IL17REL: variants seen among roughly 807,000 people sequenced by gnomAD.
IL17REL encodes the protein interleukin-17 receptor E-like protein.
A neutral mutation model predicts 49.0 loss-of-function variants in IL17REL; 36 were observed. That is an observed-to-expected ratio of 0.73 (90% CI 0.56 to 0.97). The LOEUF is 0.97. Among genes scored for constraint, IL17REL ranks in the 50% least tolerant of loss-of-function variants. The pLI, the probability that IL17REL is intolerant of heterozygous loss-of-function variation, is 0.00. For synonymous variants in IL17REL, 206 were observed against 192.4 expected, an observed-to-expected ratio of 1.07 and a Z score of -0.58; for missense variants, 470 against 453.9, an observed-to-expected ratio of 1.04 and a Z score of -0.32.
intron 1 of IL17REL, among the ~76,000 whole-genome samples, chr22:50,003,812 C>A (rs973369710): frequency 6.6e-6 from 1 of 152,004 alleles, no homozygotes; most frequent in African/African-American, 2.4e-5. Context: ...AGATAAAAAA[C>A]AAGACAAGGA....
In IL17REL at chr22:49,998,414, G is replaced by A. The variant is rs573227679; in HGVS notation, c.602-105C>T. 7.2e-5 allele frequency: 71 copies of A among 990,438 alleles called. No homozygotes were observed. In the African/African-American group the frequency reaches 1.5e-3, roughly 21 times the overall value. The allele number at this position is 990,438 out of a possible 1,614,324, so 61.4% of individuals were successfully genotyped here. A position where few individuals can be genotyped will look rare whatever the true frequency, so the allele number is the denominator to read the frequency against. On this transcript the variant is annotated intron_variant, in intron 7 of 12. Coordinates refer to ENST00000341280, the Ensembl canonical transcript of IL17REL. ...AGTGACCACTGGGCCAGGGTCCAGCGCAGTCCTATGGGTCTCTGAGCCCTG... is the reference window on the plus strand; with the variant it reads ...AGTGACCACTGGGCCAGGGTCCAGCACAGTCCTATGGGTCTCTGAGCCCTG...
intron 1 of IL17REL, among the ~76,000 whole-genome samples, chr22:50,005,559 C>T (rs540433464): frequency 2.0e-5 from 3 of 152,060 alleles, no homozygotes; most frequent in African/African-American, 7.2e-5. Context: ...CCCAGCACTT[C>T]GGGAGGTCGA....
At chr22:49,998,819 G>T (rs2061054841) in intron 7 of IL17REL, among the ~76,000 whole-genome samples, 1 of 152,026 alleles carries the variant, frequency 6.6e-6, no homozygotes, top group Admixed American at 6.6e-5. Flanking sequence ...GCCTGCGCGT[G>T]GGTGTGCGTG....
In IL17REL at chr22:50,000,091, C is replaced by A; in HGVS notation, c.335-124G>T. On this transcript the variant is annotated intron_variant, in intron 4 of 12. Coordinates refer to ENST00000341280, the Ensembl canonical transcript of IL17REL. ...TTCAGACGTTTGGGAGTCGCCCGCC[C>A]GAGGGCCCCTCAGGATTTCCCAAAT... is the stretch of plus-strand genomic sequence containing the variant. 4 of 1,126,422 alleles carry A rather than the reference C, an allele frequency of 3.6e-6. 1 individual carries two copies. 69.8% of individuals were successfully genotyped at this position (1,126,422 alleles called of 1,614,324 possible).
upstream of IL17REL, among the ~76,000 whole-genome samples, chr22:50,010,389 C>A (rs1229333521): frequency 1.3e-5 from 2 of 152,250 alleles, no homozygotes; most frequent in African/African-American, 4.8e-5. Context: ...CAGGCGAGGG[C>A]AGCCCAGACC....
In IL17REL at chr22:49,999,412, A is replaced by T. The variant is rs202125932; in HGVS notation, c.546+19T>A. On this transcript the variant is annotated intron_variant, in intron 6 of 12. Coordinates refer to ENST00000341280, the Ensembl canonical transcript of IL17REL. ...TGCTCCCCTCACCCGCCCCAAGTCC[A>T]GGCCACACCTCCACCGACCTCCAGG... 5 of 1,612,564 alleles carry T rather than the reference A, an allele frequency of 3.1e-6. No homozygotes were observed. The highest frequency in any genetic ancestry group is 3.3e-4 in the Middle Eastern group (2 of 6,030).
At chr22:50,004,382 GA>G (rs1336833397) in intron 1 of IL17REL, among the ~76,000 whole-genome samples, 1 of 152,112 alleles carries the variant, frequency 6.6e-6, no homozygotes, top group Non-Finnish European at 1.5e-5. Context: ...ACTAGAAATT[GA>G]AAATTTAAAA....
At chr22:50,000,762 C>T in exon 3 of IL17REL, 1 of 1,589,772 alleles carries the variant, frequency 6.3e-7, no homozygotes, top group South Asian at 1.1e-5. Context: ...ACCTGCTGCC[C>T]CCCCTGCTGC....
intron 4 of IL17REL, 107 bp downstream of exon 6, chr22:50,000,089 C>T: frequency 8.9e-7 from 1 of 1,129,070 alleles, no homozygotes. Context: ...GAGTCGCCCG[C>T]CCGAGGGCCC....
chr22:49,998,174 C>G (rs923472170), exon 8 of IL17REL: 3 of 1,609,966 alleles, frequency 1.9e-6, no homozygotes, highest in Middle Eastern at 1.7e-4. Context: ...CTGCAGCTTA[C>G]GGCAGCCGGC....
At chr22:50,012,195 C>G (rs186449948), upstream of IL17REL, among the ~76,000 whole-genome samples, 4 of 152,286 alleles carry the variant, frequency 2.6e-5, no homozygotes, top group East Asian at 7.7e-4. Flanking sequence ...CTACACAAGC[C>G]CAGGTGTTGC....
exon 3 of IL17REL, chr22:50,000,843 C>A (rs1451014081): frequency 6.3e-7 from 1 of 1,581,906 alleles, no homozygotes. Context: ...ATGGCACAGG[C>A]CTCCAGGCCC....
rs756863878 is a variant in IL17REL, at chr22:49,997,438, C to T, written c.878-22G>A. On this transcript the variant is annotated intron_variant, in intron 10 of 12. Transcript: ENST00000341280. ...GGGGCTGGACGAGAAGAAGGTGACC[C>T]GGAGGTGGCCCTTTGTGGGCGAAGG... 133 of 1,607,950 alleles carry T rather than the reference C, an allele frequency of 8.3e-5. No homozygotes were observed. The East Asian group carries it at 2.6e-3, about 31-fold the overall frequency.
chr22:50,001,226 T>C (rs1293727119), exon 2 of IL17REL: 2 of 1,391,712 alleles, frequency 1.4e-6, no homozygotes, highest in Non-Finnish European at 2.0e-6. Flanking sequence ...CTGTTAAAAA[T>C]GTTCCCTGGG....
intron 2 of IL17REL, 86 bp from the exon 4 acceptor site, chr22:50,000,949 CT>C: frequency 7.7e-7 from 1 of 1,301,278 alleles, no homozygotes; most frequent in Non-Finnish European, 1.1e-6. Flanking sequence ...GTTCCTCTGC[CT>C]TCTCTCTGTG....
Position 50,002,025 on chromosome 22 carries a change from G to A in IL17REL, c.-41-794C>T, listed in dbSNP as rs1005766581. Among the ~76,000 whole-genome samples, 9 of 152,336 alleles carry A rather than the reference G, an allele frequency of 5.9e-5. No homozygotes were observed. The East Asian group carries it at 1.2e-3, about 20-fold the overall frequency. The stretch of plus-strand genomic sequence containing the variant: ...GGAGAGTAAGGAATGAGGGTAACTG[G>A]GGGTGAAGGGAGAAGCAAAAGAACA... On this transcript the variant is annotated intron_variant, in intron 1 of 12. Transcript: ENST00000341280.
chr22:49,993,562 C>T (rs989521784), downstream of IL17REL, among the ~76,000 whole-genome samples: 14 of 152,196 alleles, frequency 9.2e-5, no homozygotes, highest in East Asian at 1.9e-4. The surrounding 1 kb of genome is among the most constrained non-coding windows in gnomAD (Gnocchi z 6.0). Flanking sequence ...TGGCAGCACG[C>T]GTGTGTCCTC....
downstream of IL17REL, among the ~76,000 whole-genome samples, chr22:49,994,101 C>A (rs2061019543): frequency 6.6e-6 from 1 of 151,890 alleles, no homozygotes; most frequent in Admixed American, 6.6e-5. Context: ...GGAAGGGCAC[C>A]TGGGCGAGTG....
chr22:50,006,060 G>A (rs544765293), intron 1 of IL17REL, among the ~76,000 whole-genome samples: 1 of 152,212 alleles, frequency 6.6e-6, no homozygotes, highest in East Asian at 1.9e-4. Context: ...GGTGGAGGAT[G>A]GAGGGAACGT....
Sources: gnomAD v4.1 joint callset for allele counts (sites outside exome capture counted in the v4.1 genomes callset) on GRCh38, gnomAD v4.1.1 for gene constraint, Gnocchi (gnomAD v3.1) non-coding constraint, MANE v1.5 for transcripts, NCBI Gene and HGNC (gene_info 2026-07-23, HGNC 2026-07-21) for gene names.